Variants in DOCK7 observed in about 807,000 individuals in gnomAD.
The protein encoded by DOCK7 is dedicator of cytokinesis protein 7.
Under a neutral mutation model 271.0 loss-of-function variants are expected in DOCK7, and 138 were observed. The ratio of observed to expected loss-of-function variants is 0.51; its 90% CI spans 0.44 to 0.59. The LOEUF is 0.59. Ranked by LOEUF, DOCK7 falls within the 20% of genes least tolerant of loss-of-function variation. DOCK7 has a pLI of 0.00. For missense variants in DOCK7, 2,066 were observed against 2,592.4 expected (o/e 0.80, Z 4.41); for synonymous variants, 823 against 876.1 (o/e 0.94, Z 1.07).
At chr1:62,587,299 T>TAAAAAAAAAAA in intron 14 of DOCK7, among the ~76,000 whole-genome samples, 11 of 41,862 alleles carry the variant, frequency 2.6e-4, no homozygotes, top group Admixed American at 5.4e-4. Context: ...ACCAAATAGC[T>TAAAAAAAAAAA]AAAAAAAAAA....
rs185472483 is a variant in DOCK7, at chr1:62,601,923, C to A, written c.1683-15299G>T. On this transcript the variant is annotated intron_variant, in intron 14 of 49. Coordinates refer to ENST00000635253, the MANE Select transcript of DOCK7 (RefSeq NM_001367561.1). ...GGAGAATAGACAGTAGTTAGTTCAA[C>A]TTACTCATTACGTATTAGGAAGATT... The A allele has an allele frequency of 5.4e-4, 691 of 1,275,890 alleles. 1 individual carries two copies. Among genetic ancestry groups the A allele is most frequent in the Non-Finnish European group, 6.7e-4 (587 of 875,892 alleles). The allele number at this position is 1,275,890 out of a possible 1,614,324, so 79.0% of individuals were successfully genotyped here. A position where few individuals can be genotyped will look rare whatever the true frequency, so the allele number is the denominator to read the frequency against.
chr1:62,535,455 A>T, intron 29 of DOCK7, 38 bp downstream of exon 29: 1 of 1,590,074 alleles, frequency 6.3e-7, no homozygotes, highest in African/African-American at 1.3e-5. Flanking sequence ...GTTCAAAATC[A>T]AACTCATATT....
At chr1:62,654,736 G>A (rs1388059216) in intron 2 of DOCK7, among the ~76,000 whole-genome samples, 1 of 152,196 alleles carries the variant, frequency 6.6e-6, no homozygotes, top group African/African-American at 2.4e-5. Context: ...GGAGTATTAT[G>A]CTGGATTATC....
chr1:62,457,333 TG>T (rs1201055835), intron 49 of DOCK7, among the ~76,000 whole-genome samples: 1 of 152,194 alleles, frequency 6.6e-6, no homozygotes, highest in Non-Finnish European at 1.5e-5. Context: ...TCAAAGGAAA[TG>T]CTCACTGGAC....
intron 4 of DOCK7, among the ~76,000 whole-genome samples, chr1:62,651,507 A>AGG (rs35107877): frequency 2.8e-5 from 4 of 143,260 alleles, no homozygotes; most frequent in South Asian, 4.5e-4. Context: ...GACCTCTGTA[A>AGG]GGGGGGAGCC....
chr1:62,546,458 T>G (rs1233960211), intron 22 of DOCK7, among the ~76,000 whole-genome samples: 1 of 152,062 alleles, frequency 6.6e-6, no homozygotes, highest in Non-Finnish European at 1.5e-5. Flanking sequence ...GGAGTTAAGG[T>G]TCCAATCCAG....
chr1:62,519,844 C>CT (rs959005695), intron 31 of DOCK7, among the ~76,000 whole-genome samples: 3 of 152,142 alleles, frequency 2.0e-5, no homozygotes, highest in Non-Finnish European at 2.9e-5. Flanking sequence ...CACTACCTGA[C>CT]TTCAAACTAT....
intron 48 of DOCK7, 69 bp from the exon 49 acceptor site, chr1:62,457,774 G>A (rs1645389747): frequency 1.1e-5 from 15 of 1,408,948 alleles, no homozygotes; most frequent in South Asian, 1.3e-5. Context: ...CCATACACAC[G>A]CAAAATACAT....
At chr1:62,671,323 A>G (rs1180249349) in intron 1 of DOCK7, among the ~76,000 whole-genome samples, 1 of 152,242 alleles carries the variant, frequency 6.6e-6, no homozygotes, top group Non-Finnish European at 1.5e-5. Context: ...AAAGTGAAAA[A>G]CACAGGAATA....
intron 12 of DOCK7, among the ~76,000 whole-genome samples, chr1:62,621,309 T>C (rs1653205723): frequency 6.6e-6 from 1 of 152,172 alleles, no homozygotes; most frequent in Non-Finnish European, 1.5e-5. Flanking sequence ...ACAAAACAAA[T>C]TACCCATAGC....
At chr1:62,581,359 G>T (rs1435527296) in intron 16 of DOCK7, among the ~76,000 whole-genome samples, 2 of 152,246 alleles carry the variant, frequency 1.3e-5, no homozygotes, top group Non-Finnish European at 2.9e-5. Flanking sequence ...TATTAGAGAA[G>T]AGGAAAGACA....
intron 31 of DOCK7, among the ~76,000 whole-genome samples, chr1:62,517,531 G>T (rs1381473879): frequency 2.0e-5 from 3 of 152,094 alleles, no homozygotes; most frequent in Non-Finnish European, 2.9e-5. Context: ...GGAGATGGAG[G>T]TTGCAGTGAG....
At chr1:62,663,004 T>C in intron 2 of DOCK7, 21 bp downstream of exon 2, 1 of 1,571,242 alleles carries the variant, frequency 6.4e-7, no homozygotes, top group East Asian at 2.2e-5. Context: ...GAAGAGACTA[T>C]ATTTTGAATA....
intron 48 of DOCK7, among the ~76,000 whole-genome samples, chr1:62,470,780 G>GACT (rs1305739853): frequency 3.3e-5 from 5 of 152,090 alleles, no homozygotes; most frequent in Admixed American, 2.6e-4. Context: ...AACATAGCGA[G>GACT]ACTCCGTCTC....
rs1645389255 is a variant in DOCK7, at chr1:62,457,756, G to A, written c.6213-51C>T. 2.5e-6 allele frequency: 4 copies of A among 1,569,004 alleles called. No individual in the cohort carries two copies. The East Asian group carries it at 9.0e-5, about 35-fold the overall frequency. ...ATATTACTTCTGGCATAGTTTGTGG[G>A]TTTAATGCCATACACACGCAAAATA... On this transcript the variant is annotated intron_variant, in intron 48 of 49. Transcript: ENST00000635253.
At chr1:62,543,064 A>G (rs1645588659) in intron 24 of DOCK7, among the ~76,000 whole-genome samples, 1 of 152,202 alleles carries the variant, frequency 6.6e-6, no homozygotes, top group South Asian at 2.1e-4. Flanking sequence ...AAATACATGC[A>G]TGAACTTTGC....
intron 1 of DOCK7, among the ~76,000 whole-genome samples, chr1:62,676,689 G>A (rs988794030): frequency 2.1e-4 from 32 of 152,108 alleles, no homozygotes; most frequent in Non-Finnish European, 5.9e-5. Flanking sequence ...CTGAGACTCC[G>A]TACCACGATC....
chr1:62,588,110 T>C (rs201667561), intron 14 of DOCK7, among the ~76,000 whole-genome samples: 1 of 152,204 alleles, frequency 6.6e-6, no homozygotes, highest in Admixed American at 6.5e-5. Flanking sequence ...AGAACTGTTA[T>C]GACTGGTCAG....
intron 17 of DOCK7, 46 bp from the exon 18 acceptor site, chr1:62,577,409 TA>T (rs1393611112): frequency 7.0e-7 from 1 of 1,436,304 alleles, no homozygotes; most frequent in Non-Finnish European, 9.5e-7. Context: ...ATGCTTGCTA[TA>T]AAAATAATTA....
Sources: gnomAD v4.1 joint callset for allele counts (sites outside exome capture counted in the v4.1 genomes callset) on GRCh38, gnomAD v4.1.1 for gene constraint, MANE v1.5 for transcripts, NCBI Gene and HGNC (gene_info 2026-07-23, HGNC 2026-07-21) for gene names.